Variants in DYM observed in about 807,000 individuals in gnomAD.
DYM encodes the protein dyggve-Melchior-Clausen syndrome protein.
A neutral mutation model predicts 93.1 loss-of-function variants in DYM; 78 were observed. That is an observed-to-expected ratio of 0.84 (90% confidence interval 0.70 to 1.01). The LOEUF (loss-of-function observed/expected upper bound fraction) is 1.01, where lower values mean the gene tolerates loss of function less well. Among genes scored for constraint, DYM ranks in the 50% least tolerant of loss-of-function variants. The probability of loss-of-function intolerance (pLI) is 0.00; values close to 1 mark genes in which losing one functional copy is unlikely to be tolerated. For synonymous variants in DYM, 321 were observed against 319.7 expected (o/e 1.00, Z -0.04); for missense variants, 789 against 845.0 (o/e 0.93, Z 0.82).
At chr18:49,272,421 G>A in intron 10 of DYM, 118 bp from the exon 11 acceptor site, 1 of 757,312 alleles carries the variant, frequency 1.3e-6, no homozygotes, top group Non-Finnish European at 2.1e-6. Context: ...TTTTTCATTA[G>A]AGAAAAAACC....
chr18:49,323,044 C>T (rs1318186830), intron 8 of DYM, among the ~76,000 whole-genome samples: 1 of 152,170 alleles, frequency 6.6e-6, no homozygotes, highest in Non-Finnish European at 1.5e-5. Flanking sequence ...ATTATTGTAA[C>T]CCATAGCTAG....
intron 8 of DYM, among the ~76,000 whole-genome samples, chr18:49,312,508 C>T (rs1023966460): frequency 1.3e-5 from 2 of 152,126 alleles, no homozygotes; most frequent in African/African-American, 4.8e-5. Flanking sequence ...AGACCCTGGA[C>T]CCAGCCACAC....
intron 13 of DYM, among the ~76,000 whole-genome samples, chr18:49,240,000 C>A (rs2093972913): frequency 6.6e-6 from 1 of 152,142 alleles, no homozygotes; most frequent in South Asian, 2.1e-4. Flanking sequence ...AGACCATGAG[C>A]TCTTACAGAG....
chr18:49,205,390 G>A (rs1178772950), intron 14 of DYM, among the ~76,000 whole-genome samples: 3 of 152,090 alleles, frequency 2.0e-5, no homozygotes, highest in Non-Finnish European at 2.9e-5. Context: ...GAGTCAAGGT[G>A]TGCCTGCTTT....
At chr18:49,457,650 T>C (rs12457899) in intron 1 of DYM, among the ~76,000 whole-genome samples, 13,875 of 152,184 alleles carry the variant, frequency 0.091, 853 homozygotes, top group East Asian at 0.31. Context: ...TATTCCAAAA[T>C]ACACTGTGGT....
chr18:49,420,952 C>A (rs1361616644), intron 2 of DYM, among the ~76,000 whole-genome samples: 2 of 152,042 alleles, frequency 1.3e-5, no homozygotes, highest in Non-Finnish European at 2.9e-5. Flanking sequence ...AAGGTGGCAG[C>A]GAGGCTGGGG....
chr18:49,335,838 G>C (rs1293532213), intron 6 of DYM, among the ~76,000 whole-genome samples: 4 of 151,228 alleles, frequency 2.6e-5, no homozygotes, highest in Admixed American at 2.6e-4. Context: ...TTTGGAGACA[G>C]GGTCTGTGTC....
At position 49,147,108 on chromosome 18, in the gene DYM, T is replaced by C. The variant is rs559216441; in HGVS notation, c.1728+16577A>G. Among the ~76,000 whole-genome samples the C allele has an allele frequency of 3.0e-3, 457 of 152,158 alleles. 3 individuals are homozygous for C. The highest frequency in any genetic ancestry group is 0.01 in the African/African-American group (424 of 41,536). ...CAAGAAATGGGGAAAGGATTCCCTA[T>C]TTAATAAATGGTGCTGGGAAAACTG... On this transcript the variant is annotated intron_variant, in intron 15 of 17. Transcript: ENST00000675505.
intron 15 of DYM, among the ~76,000 whole-genome samples, chr18:49,159,900 T>A (rs1296831250): frequency 6.6e-6 from 1 of 152,224 alleles, no homozygotes; most frequent in Non-Finnish European, 1.5e-5. Flanking sequence ...TAAATATTCA[T>A]ATGGTTATAG....
chr18:49,062,884 T>C (rs2076091776), intron 17 of DYM, among the ~76,000 whole-genome samples: 1 of 152,158 alleles, frequency 6.6e-6, no homozygotes, highest in Non-Finnish European at 1.5e-5. Context: ...TGGAAATGGA[T>C]GTCGTGATGG....
chr18:49,460,147 G>C (rs1216025694), intron 1 of DYM, among the ~76,000 whole-genome samples: 3 of 152,156 alleles, frequency 2.0e-5, no homozygotes, highest in Non-Finnish European at 2.9e-5. Flanking sequence ...CCCCATCTCC[G>C]GAAGCACCGA....
At chr18:49,152,657 T>C (rs923691599) in intron 15 of DYM, among the ~76,000 whole-genome samples, 5 of 152,198 alleles carry the variant, frequency 3.3e-5, no homozygotes, top group African/African-American at 1.2e-4. Flanking sequence ...AAATGAGGTA[T>C]CTATATTTGC....
At chr18:49,395,884 A>G (rs924506419) in intron 2 of DYM, among the ~76,000 whole-genome samples, 2 of 152,124 alleles carry the variant, frequency 1.3e-5, no homozygotes, top group Non-Finnish European at 2.9e-5. Context: ...CTGATCCCCA[A>G]TGTTAGAGGT....
At chr18:49,290,793 G>A (rs2060059454) in intron 8 of DYM, among the ~76,000 whole-genome samples, 1 of 152,146 alleles carries the variant, frequency 6.6e-6, no homozygotes, top group South Asian at 2.1e-4. Flanking sequence ...CAGAGTGGGA[G>A]TGAAGGTGGC....
intron 13 of DYM, among the ~76,000 whole-genome samples, chr18:49,216,090 C>A (rs182865959): frequency 6.6e-6 from 1 of 152,196 alleles, no homozygotes; most frequent in Non-Finnish European, 1.5e-5. Flanking sequence ...CGGTGCACCA[C>A]GAGATTATAT....
chr18:49,042,657 T>C lies in DYM; in HGVS notation c.*1398A>G, dbSNP rs2071016746. 6.6e-6 allele frequency: 1 copy of C among 152,246 alleles called. No homozygotes were observed. The highest frequency in any genetic ancestry group is 1.5e-5 in the Non-Finnish European group (1 of 68,052). The allele number at this position is 152,246 out of a possible 1,614,324, so 9.4% of individuals were successfully genotyped here. On this transcript the variant is annotated 3_prime_UTR_variant, in exon 18 of 18. Coordinates refer to ENST00000675505, the MANE Select transcript of DYM (RefSeq NM_001353214.3). ...GATTCGAACAGTGTGCTCAGTCTCG[T>C]CTGGGCTTTTGTGCTTTCTATGTTG... is the stretch of plus-strand genomic sequence containing the variant.
intron 14 of DYM, among the ~76,000 whole-genome samples, chr18:49,202,449 C>T (rs1293161040): frequency 1.4e-5 from 2 of 141,938 alleles, no homozygotes; most frequent in East Asian, 2.1e-4. Context: ...TCTGCCTGGC[C>T]GCCCATCGTC....
At chr18:49,241,184 C>T (rs747194848) in intron 13 of DYM, among the ~76,000 whole-genome samples, 3 of 152,196 alleles carry the variant, frequency 2.0e-5, no homozygotes, top group Non-Finnish European at 4.4e-5. Flanking sequence ...TCCAAGACTG[C>T]ACAGAAACTT....
intron 16 of DYM, among the ~76,000 whole-genome samples, chr18:49,108,384 C>T (rs8085780): frequency 0.13 from 20,106 of 152,222 alleles, 1,731 homozygotes; most frequent in African/African-American, 0.24. Flanking sequence ...CCTGCTTCGG[C>T]TCACGCGCAG....
Sources: allele counts gnomAD v4.1 joint callset (sites outside exome capture counted in the v4.1 genomes callset), GRCh38; gene constraint gnomAD v4.1.1; transcripts MANE v1.5; gene names NCBI Gene and HGNC (gene_info 2026-07-23, HGNC 2026-07-21).